The following CPM variants were observed in gnomAD, a reference collection of about 807,000 sequenced individuals.
CPM encodes renal carboxypeptidase.
In CPM, 35 loss-of-function variants were observed where a neutral mutation model predicts 46.4. The observed-to-expected ratio is 0.75, with a 90% CI of 0.58 to 1.00. The LOEUF (loss-of-function observed/expected upper bound fraction) is 1.00, where lower values mean the gene tolerates loss of function less well. CPM is among the 50% of genes least tolerant of loss of function. The pLI is 0.00. For missense variants in CPM, 422 were observed against 530.4 expected (o/e 0.80, Z 2.01); for synonymous variants, 195 against 195.3 (o/e 1.00, Z 0.01).
intron 3 of CPM, among the ~76,000 whole-genome samples, chr12:68,881,948 C>T (rs897039880): frequency 1.3e-5 from 2 of 150,112 alleles, no homozygotes; most frequent in South Asian, 4.2e-4. Context: ...TCTTGAACTC[C>T]TAAACTCAGG....
At position 68,855,737 on chromosome 12, in the gene CPM, G is replaced by GTTTGTTT. The variant is rs1336573913; in HGVS notation, c.*699_*700insAAACAAA. ...GGTGAGGTGTTTTTTTTGTTTGTTT[G>GTTTGTTT]TTTTTGTTTTTTTTTTTTTGAGACA... is the stretch of plus-strand genomic sequence containing the variant. On this transcript the variant is annotated 3_prime_UTR_variant, in exon 9 of 9. Coordinates refer to ENST00000551568, the MANE Select transcript of CPM (RefSeq NM_198320.5). The GTTTGTTT allele has an allele frequency of 7.0e-6, 1 of 142,054 alleles. No homozygotes were observed. The highest frequency in any genetic ancestry group is 2.9e-5 in the African/African-American group (1 of 33,932). The allele number at this position is 142,054 out of a possible 1,614,324, so 8.8% of individuals were successfully genotyped here. A position where few individuals can be genotyped will look rare whatever the true frequency, so the allele number is the denominator to read the frequency against.
chr12:68,945,688 G>A (rs1888834798), intron 1 of CPM, among the ~76,000 whole-genome samples: 1 of 152,084 alleles, frequency 6.6e-6, no homozygotes, highest in African/African-American at 2.4e-5. Context: ...CCTAATGCAA[G>A]GTGTGAAAGT....
intron 2 of CPM, among the ~76,000 whole-genome samples, chr12:68,895,520 C>T (rs1886835984): frequency 6.6e-6 from 1 of 152,096 alleles, no homozygotes; most frequent in South Asian, 2.1e-4. Context: ...CAGTACAGTC[C>T]AGCCCTTTTC....
In CPM at chr12:68,923,522, G is replaced by A. The variant is rs1015543831; in HGVS notation, c.160+9156C>T. 2.2e-4 allele frequency among the ~76,000 whole-genome samples: 34 copies of A among 152,092 alleles called. 1 individual carries two copies. Among genetic ancestry groups the A allele is most frequent in the African/African-American group, 7.7e-4 (32 of 41,394 alleles). On this transcript the variant is annotated intron_variant, in intron 2 of 8. Transcript: ENST00000551568. ...ATAGTTCTTAACTCTATCAGATGATGCCTCTTGCTTTCATATCCAATATTT... is the reference window on the plus strand; with the variant it reads ...ATAGTTCTTAACTCTATCAGATGATACCTCTTGCTTTCATATCCAATATTT...
chr12:68,854,283 G>GTTCA lies in CPM; in HGVS notation c.*2150_*2153dup, dbSNP rs1472268893. On this transcript the variant is annotated 3_prime_UTR_variant, in exon 9 of 9. Transcript: ENST00000551568. ...GAGTAGCAGTCTCCTGGCACCCCTT[G>GTTCA]TTCATTCATTCATTCAGTACCTACT... The GTTCA allele has an allele frequency of 6.6e-6, 1 of 152,126 alleles. No homozygotes were observed. Among genetic ancestry groups the GTTCA allele is most frequent in the East Asian group, 1.9e-4 (1 of 5,200 alleles). The allele number at this position is 152,126 out of a possible 1,614,324, so 9.4% of individuals were successfully genotyped here. A position where few individuals can be genotyped will look rare whatever the true frequency, so the allele number is the denominator to read the frequency against.
intron 2 of CPM, among the ~76,000 whole-genome samples, chr12:68,915,363 C>T (rs1207417123): frequency 2.6e-5 from 4 of 152,192 alleles, no homozygotes; most frequent in Non-Finnish European, 4.4e-5. Context: ...GAAGTCTCAT[C>T]TCCTTGGCAT....
rs1460293954 is a variant in CPM at position 68,929,061 on chromosome 12, G to T, written c.160+3617C>A. Among the ~76,000 whole-genome samples, 5 of 151,948 alleles carry T rather than the reference G, an allele frequency of 3.3e-5. No homozygotes were observed. In the East Asian group the frequency reaches 9.6e-4, roughly 29 times the overall value. On this transcript the variant is annotated intron_variant, in intron 2 of 8. Transcript: ENST00000551568. ...GAAATCTCATTTAAAATGGCCCTTTGGGGTTTTGTATGTAGCAGAGCAGTT... is the reference window on the plus strand; with the variant it reads ...GAAATCTCATTTAAAATGGCCCTTTTGGGTTTTGTATGTAGCAGAGCAGTT...
At chr12:68,912,168 C>T (rs755017411) in intron 2 of CPM, among the ~76,000 whole-genome samples, 15 of 152,246 alleles carry the variant, frequency 9.9e-5, no homozygotes, top group Non-Finnish European at 1.8e-4. Flanking sequence ...CCAACACACT[C>T]GGCTAATTTT....
chr12:68,876,680 C>T (rs1286682065), intron 3 of CPM, among the ~76,000 whole-genome samples: 5 of 152,270 alleles, frequency 3.3e-5, no homozygotes, highest in East Asian at 1.9e-4. Flanking sequence ...CTCCTTCATC[C>T]GGTGGTTAAA....
Position 68,854,013 on chromosome 12 carries a change from T to A in CPM, c.*2424A>T, listed in dbSNP as rs1021814363. Reference sequence around the variant, plus strand: ...ATTAGTACTTCAAATTGAGTCCTAATGGTAAAATTTTTTTCTGATAAAAAA... The same window carrying A: ...ATTAGTACTTCAAATTGAGTCCTAAAGGTAAAATTTTTTTCTGATAAAAAA... On this transcript the variant is annotated 3_prime_UTR_variant, in exon 9 of 9. Transcript: ENST00000551568. The A allele has an allele frequency of 6.6e-6, 1 of 152,116 alleles. No homozygotes were observed. Among genetic ancestry groups the A allele is most frequent in the African/African-American group, 2.4e-5 (1 of 41,440 alleles). The allele number at this position is 152,116 out of a possible 1,614,324, so 9.4% of individuals were successfully genotyped here.
intron 7 of CPM, 90 bp downstream of exon 7, chr12:68,866,806 T>C: frequency 9.0e-7 from 1 of 1,105,034 alleles, no homozygotes; most frequent in Non-Finnish European, 1.3e-6. Context: ...CTACAAAGCA[T>C]AAATAAAGGC....
intron 4 of CPM, among the ~76,000 whole-genome samples, 187 bp from the exon 5 acceptor site, chr12:68,870,586 C>T (rs1330345769): frequency 6.6e-6 from 1 of 152,202 alleles, no homozygotes; most frequent in East Asian, 1.9e-4. Context: ...TCCCCTGCCT[C>T]GTGATCTGCT....
At chr12:68,914,076 A>G in intron 2 of CPM, 1 of 611,116 alleles carries the variant, frequency 1.6e-6, no homozygotes. Flanking sequence ...CAGGCTTGGA[A>G]TCTGGGTAAT....
At chr12:68,874,771 T>C (rs932790109) in intron 3 of CPM, among the ~76,000 whole-genome samples, 1 of 152,128 alleles carries the variant, frequency 6.6e-6, no homozygotes, top group Non-Finnish European at 1.5e-5. Context: ...TATGGTTCAA[T>C]CGGCAAAAAT....
intron 7 of CPM, 131 bp from the exon 8 acceptor site, chr12:68,859,202 A>C: frequency 2.1e-6 from 1 of 475,906 alleles, no homozygotes; most frequent in Non-Finnish European, 3.3e-6. Flanking sequence ...ATTAAGTGTT[A>C]GAGAGGGAAA....
chr12:68,956,243 C>G (rs895735964), intron 1 of CPM, among the ~76,000 whole-genome samples: 1 of 152,188 alleles, frequency 6.6e-6, no homozygotes, highest in Non-Finnish European at 1.5e-5. Flanking sequence ...GTGCCAGGAG[C>G]AGGGAGAGGT....
chr12:68,938,976 A>G (rs1009558126), intron 1 of CPM, among the ~76,000 whole-genome samples: 5 of 148,016 alleles, frequency 3.4e-5, no homozygotes, highest in Non-Finnish European at 5.9e-5. Flanking sequence ...ACATATATGT[A>G]AGTATATAGA....
intron 7 of CPM, among the ~76,000 whole-genome samples, chr12:68,866,475 C>G (rs1162016058): frequency 6.6e-6 from 1 of 152,200 alleles, no homozygotes; most frequent in Non-Finnish European, 1.5e-5. Flanking sequence ...TCCCAAGTAA[C>G]TGGGACTACA....
At position 68,869,620 on chromosome 12, in the gene CPM, C is replaced by T. The variant is rs1885601673; in HGVS notation, c.617-125G>A. The T allele has an allele frequency of 3.9e-6, 3 of 768,028 alleles. No individual in the cohort carries two copies. In the Admixed American group the frequency reaches 9.2e-5, roughly 24 times the overall value. 47.6% of individuals were successfully genotyped at this position (768,028 alleles called of 1,614,324 possible). ...GCTCTAATTTCCCTAGAGAGAAATCCTTCATCCACCTCCTCTATTCTTCTT... is the reference window on the plus strand; with the variant it reads ...GCTCTAATTTCCCTAGAGAGAAATCTTTCATCCACCTCCTCTATTCTTCTT... On this transcript the variant is annotated intron_variant, in intron 5 of 8. Transcript: ENST00000551568.
Sources: gnomAD v4.1 joint callset for allele counts (sites outside exome capture counted in the v4.1 genomes callset) on GRCh38, gnomAD v4.1.1 for gene constraint, MANE v1.5 for transcripts, NCBI Gene and HGNC (gene_info 2026-07-23, HGNC 2026-07-21) for gene names.